BBOF1: variants seen among roughly 807,000 people sequenced by gnomAD.
The protein encoded by BBOF1 is basal body orientation factor 1.
BBOF1 carries 62 observed loss-of-function variants against 68.0 expected under a neutral mutation model. That is an observed-to-expected ratio of 0.91 (90% confidence interval 0.74 to 1.13). The LOEUF is 1.13. BBOF1 is among the 50% of genes most tolerant of loss of function. BBOF1 has a pLI of 0.00. For synonymous variants in BBOF1, 208 were observed against 198.8 expected (o/e 1.05, Z -0.39); for missense variants, 534 against 600.1 (o/e 0.89, Z 1.15).
In BBOF1 at chr14:74,055,651, T is replaced by C; in HGVS notation, c.1354T>C (p.Leu452=). Residue 452 remains leucine (L), a synonymous_variant, in exon 9 of 12, where the codon TTG becomes CTG. Transcript: ENST00000394009. ...GGAGCAGAAGGAAAAAGTATTGCGATTGCTCTTTGCAAAAATGAATGGCTG... is the reference window on the plus strand; with the variant it reads ...GGAGCAGAAGGAAAAAGTATTGCGACTGCTCTTTGCAAAAATGAATGGCTG... ...TWEQKEKVLR[L]LFAKMNGCPS... The C allele has an allele frequency of 1.2e-6, 2 of 1,613,980 alleles. No homozygotes were observed. The highest frequency in any genetic ancestry group is 2.2e-5 in the South Asian group (2 of 91,062).
At chr14:74,062,111 G>A (rs2060358969) in intron 11 of BBOF1, among the ~76,000 whole-genome samples, 1 of 144,236 alleles carries the variant, frequency 6.9e-6, no homozygotes, top group Non-Finnish European at 1.5e-5. Context: ...AGGCAGAATT[G>A]CTTGAACCTG....
intron 3 of BBOF1, among the ~76,000 whole-genome samples, chr14:74,030,225 T>G (rs2059533612): frequency 1.3e-5 from 2 of 152,084 alleles, no homozygotes; most frequent in South Asian, 4.1e-4. Context: ...TGTATTTATT[T>G]AATTTTTTTA....
At chr14:74,054,424 G>T (rs1337911368) in intron 8 of BBOF1, among the ~76,000 whole-genome samples, 3 of 151,472 alleles carry the variant, frequency 2.0e-5, no homozygotes, top group Non-Finnish European at 4.4e-5. Flanking sequence ...TGTTGCCAAG[G>T]CTGGAGTGCA....
chr14:74,050,597 G>C (rs543806776), intron 8 of BBOF1, among the ~76,000 whole-genome samples: 1 of 151,904 alleles, frequency 6.6e-6, no homozygotes, highest in African/African-American at 2.4e-5. Flanking sequence ...GTCTCACTAC[G>C]TTGCCCAGGC....
chr14:74,030,136 T>C (rs1242187959), intron 3 of BBOF1, among the ~76,000 whole-genome samples: 2 of 152,192 alleles, frequency 1.3e-5, no homozygotes, highest in African/African-American at 2.4e-5. Flanking sequence ...GAAATTCTTT[T>C]CTATGAGGTT....
At chr14:74,033,759 C>T (rs2059631290) in intron 3 of BBOF1, among the ~76,000 whole-genome samples, 1 of 151,738 alleles carries the variant, frequency 6.6e-6, no homozygotes, top group Non-Finnish European at 1.5e-5. Context: ...CACCTGTAGT[C>T]CCAGGCTGAG....
At chr14:74,072,940 C>T (rs2060570494) in intron 9 of BBOF1, among the ~76,000 whole-genome samples, 1 of 151,694 alleles carries the variant, frequency 6.6e-6, no homozygotes, top group Non-Finnish European at 1.5e-5. Context: ...GCTGAGATTA[C>T]AGACACCCGC....
Position 74,064,927 on chromosome 14 carries a change from CAG to C in BBOF1, c.*230_*231del. 1 of 1,610,876 alleles carries C rather than the reference CAG, an allele frequency of 6.2e-7. No homozygotes were observed. Among genetic ancestry groups the C allele is most frequent in the African/African-American group, 1.3e-5 (1 of 74,938 alleles). Reference sequence around the variant, plus strand: ...TGGGGACATTCACTCCCACCTAAAACAGAACAAATCCGTGTCATATCCTAAGG... The same window carrying C: ...TGGGGACATTCACTCCCACCTAAAACAACAAATCCGTGTCATATCCTAAGG... On this transcript the variant is annotated 3_prime_UTR_variant, in exon 12 of 12. Transcript: ENST00000394009.
At position 74,059,178 on chromosome 14, in the gene BBOF1, G is replaced by C; in HGVS notation, c.1578+1920G>C. The C allele has an allele frequency of 8.8e-6, 2 of 226,450 alleles. 1 individual carries two copies. The highest frequency in any genetic ancestry group is 9.5e-5 in the South Asian group (2 of 20,982). 14.0% of individuals were successfully genotyped at this position (226,450 alleles called of 1,614,324 possible). The stretch of plus-strand genomic sequence containing the variant: ...TTTTTTTTAACCACTTTATGTCATG[G>C]AAAGCTTCGAAATTTCTTAGGCCCA... On this transcript the variant is annotated intron_variant, in intron 11 of 11. Coordinates refer to ENST00000394009, the MANE Select transcript of BBOF1 (RefSeq NM_025057.3).
exon 13 of BBOF1, chr14:74,082,816 C>A (rs2060684083): frequency 1.3e-5 from 2 of 152,084 alleles, no homozygotes; most frequent in African/African-American, 2.4e-5. Context: ...CCAAATGAAT[C>A]AGAAAATACA....
Position 74,055,678 on chromosome 14 carries a change from CCTT to C in BBOF1, c.1384_1386del (p.Ser462del), listed in dbSNP as rs750814724. 3 of 1,611,420 alleles carry C rather than the reference CCTT, an allele frequency of 1.9e-6. No homozygotes were observed. The highest frequency in any genetic ancestry group is 1.7e-6 in the Non-Finnish European group (2 of 1,177,872). On this transcript the variant is annotated inframe_deletion, in exon 9 of 12. Coordinates refer to ENST00000394009, the MANE Select transcript of BBOF1 (RefSeq NM_025057.3). Reference sequence around the variant, plus strand: ...GCTCTTTGCAAAAATGAATGGCTGTCCTTCTAGGTAACTCCCTATTTCTGCAGT... The same window carrying C: ...GCTCTTTGCAAAAATGAATGGCTGTCCTAGGTAACTCCCTATTTCTGCAGT...
chr14:74,034,156 G>GAGA lies in BBOF1; in HGVS notation c.481_483dup (p.Arg161dup). ...TCCAGAAGAGAAAAATCCAAGTGGA[G>GAGA]AGAGAGTTAGATGATGTAAGTTTCA... On this transcript the variant is annotated inframe_insertion, in exon 4 of 12. Transcript: ENST00000394009. 1 of 1,570,936 alleles carries GAGA rather than the reference G, an allele frequency of 6.4e-7. No individual in the cohort carries two copies. Among genetic ancestry groups the GAGA allele is most frequent in the Non-Finnish European group, 8.6e-7 (1 of 1,160,518 alleles).
intron 5 of BBOF1, among the ~76,000 whole-genome samples, chr14:74,043,041 G>A (rs1434527323): frequency 6.6e-6 from 1 of 152,066 alleles, no homozygotes; most frequent in Non-Finnish European, 1.5e-5. Context: ...CAAACTTCAT[G>A]GATATTTCTC....
At chr14:74,052,115 AT>A (rs2060080838) in intron 8 of BBOF1, among the ~76,000 whole-genome samples, 1 of 151,742 alleles carries the variant, frequency 6.6e-6, no homozygotes, top group Admixed American at 6.6e-5. Flanking sequence ...TATTTAATAC[AT>A]CAAATAAGTT....
At chr14:74,026,729 A>G (rs553082788) in intron 2 of BBOF1, among the ~76,000 whole-genome samples, 1 of 152,152 alleles carries the variant, frequency 6.6e-6, no homozygotes, top group Middle Eastern at 3.4e-3. Context: ...GTTCAAGACT[A>G]GACTGGCCAA....
intron 5 of BBOF1, among the ~76,000 whole-genome samples, chr14:74,044,437 C>T (rs973758893): frequency 6.7e-6 from 1 of 149,442 alleles, no homozygotes; most frequent in African/African-American, 2.5e-5. Flanking sequence ...CTGCCACTTA[C>T]TAGCTTTGTG....
In BBOF1 at chr14:74,050,204, A is replaced by G; in HGVS notation, c.1286+9A>G. 1.3e-6 allele frequency: 2 copies of G among 1,520,862 alleles called. No homozygotes were observed. Among genetic ancestry groups the G allele is most frequent in the Non-Finnish European group, 1.8e-6 (2 of 1,136,644 alleles). 94.2% of individuals were successfully genotyped at this position (1,520,862 alleles called of 1,614,324 possible). ...CTGGAGGCCGAAAAATGGTACTAGC[A>G]ATACTTTATTATTATCTTTTTGCTG... On this transcript the variant is annotated intron_variant, in intron 8 of 11. Coordinates refer to ENST00000394009, the MANE Select transcript of BBOF1 (RefSeq NM_025057.3).
chr14:74,057,529 C>CTA, intron 11 of BBOF1: 1 of 1,348,952 alleles, frequency 7.4e-7, no homozygotes, highest in Non-Finnish European at 9.6e-7. Flanking sequence ...AAAATGTGTA[C>CTA]TATCTTTTAC....
intron 9 of BBOF1, chr14:74,072,629 A>G (rs1039102317): frequency 6.2e-7 from 1 of 1,611,378 alleles, no homozygotes; most frequent in Non-Finnish European, 8.5e-7. Flanking sequence ...AAACAAACAA[A>G]CAAACAAACA....
Sources: gnomAD v4.1 joint callset for allele counts (sites outside exome capture counted in the v4.1 genomes callset) on GRCh38, gnomAD v4.1.1 for gene constraint, MANE v1.5 for transcripts, NCBI Gene and HGNC (gene_info 2026-07-23, HGNC 2026-07-21) for gene names.